The following TUSC3 variants were observed in gnomAD, a reference collection of about 807,000 sequenced individuals.
TUSC3 encodes dolichyl-diphosphooligosaccharide--protein glycosyltransferase subunit TUSC3.
In TUSC3, 45 loss-of-function variants were observed where a neutral mutation model predicts 44.8. The ratio of observed to expected loss-of-function variants is 1.00; its 90% CI spans 0.79 to 1.29. TUSC3 has a LOEUF of 1.29. TUSC3 is among the 50% of genes most tolerant of loss of function. The pLI, the probability that TUSC3 is intolerant of heterozygous loss-of-function variation, is 0.00. For synonymous variants in TUSC3, 212 were observed against 152.9 expected, an observed-to-expected ratio of 1.39 and a Z score of -2.85; for missense variants, 519 against 437.9, an observed-to-expected ratio of 1.19 and a Z score of -1.65.
the TUSC3 span, among the ~76,000 whole-genome samples, chr8:15,840,395 AAAT>A: frequency 6.6e-6 from 1 of 151,732 alleles, no homozygotes; most frequent in Non-Finnish European, 1.5e-5. Flanking sequence ...ATAAATCAAT[AAAT>A]AACCACACAC....
intron 6 of TUSC3, among the ~76,000 whole-genome samples, chr8:15,725,780 C>T (rs773466353): frequency 1.3e-5 from 2 of 152,110 alleles, no homozygotes; most frequent in Non-Finnish European, 2.9e-5. Context: ...ACTCATGAAA[C>T]CCAGGACAGA....
intron 3 of TUSC3, among the ~76,000 whole-genome samples, chr8:15,656,184 C>T (rs1356909559): frequency 6.6e-6 from 1 of 152,074 alleles, no homozygotes; most frequent in Admixed American, 6.5e-5. Flanking sequence ...TCATGTCTTT[C>T]TCACACTCAG....
intron 6 of TUSC3, among the ~76,000 whole-genome samples, chr8:15,695,058 A>G (rs1467780044): frequency 6.6e-6 from 1 of 152,168 alleles, no homozygotes; most frequent in African/African-American, 2.4e-5. Flanking sequence ...ATTCACACTG[A>G]CAGCAGTGGC....
chr8:15,541,777 C>A (rs1268344249), intron 1 of TUSC3, among the ~76,000 whole-genome samples: 2 of 151,278 alleles, frequency 1.3e-5, no homozygotes, highest in Admixed American at 1.3e-4. Flanking sequence ...ATTTGTATAC[C>A]ATATTCCAAG....
At position 15,449,631 on chromosome 8, in the gene TUSC3, G is replaced by A. The variant is rs536205554; in HGVS notation, n.91+32326G>A. 5.6e-4 allele frequency among the ~76,000 whole-genome samples: 85 copies of A among 152,198 alleles called. 1 individual carries two copies. Among genetic ancestry groups the A allele is most frequent in the African/African-American group, 1.8e-3 (76 of 41,524 alleles). On this transcript the variant is annotated intron_variant and non_coding_transcript_variant, in intron 1 of 5. Transcript: ENST00000503191. The stretch of plus-strand genomic sequence containing the variant: ...ATTGAGGGAGGGAGTATAATGAGGC[G>A]TCTTACCTCCCATCCCACAGGAATT...
intron 2 of TUSC3, among the ~76,000 whole-genome samples, chr8:15,484,465 T>C (rs1175756334): frequency 2.0e-5 from 3 of 152,380 alleles, no homozygotes; most frequent in South Asian, 2.1e-4. Context: ...GCCAGCACAG[T>C]GTAGGACATA....
intron 1 of TUSC3, among the ~76,000 whole-genome samples, chr8:15,561,467 G>A (rs555685554): frequency 7.0e-6 from 1 of 143,460 alleles, no homozygotes; most frequent in African/African-American, 2.5e-5. Flanking sequence ...GTTTGTCTGT[G>A]CCCTGCCCCC....
At chr8:15,421,041 C>T (rs1799732316) in intron 1 of TUSC3, among the ~76,000 whole-genome samples, 1 of 152,178 alleles carries the variant, frequency 6.6e-6, no homozygotes, top group Non-Finnish European at 1.5e-5. Flanking sequence ...ACTTATATAT[C>T]CAACTGCCTA....
intron 1 of TUSC3, among the ~76,000 whole-genome samples, chr8:15,448,677 C>A (rs770103804): frequency 1.3e-5 from 2 of 151,898 alleles, no homozygotes; most frequent in African/African-American, 2.4e-5. Flanking sequence ...GTGTCTAACA[C>A]GTAAATTATT....
At chr8:15,676,173 C>G (rs1196356446) in intron 6 of TUSC3, among the ~76,000 whole-genome samples, 2 of 152,084 alleles carry the variant, frequency 1.3e-5, no homozygotes, top group Admixed American at 6.6e-5. Flanking sequence ...TTGCATTTCT[C>G]TGATGATTAG....
intron 6 of TUSC3, among the ~76,000 whole-genome samples, chr8:15,729,473 A>C (rs1263730618): frequency 6.6e-6 from 1 of 152,156 alleles, no homozygotes; most frequent in African/African-American, 2.4e-5. Context: ...TGTGATTGTC[A>C]ATCAACAGTG....
intron 6 of TUSC3, among the ~76,000 whole-genome samples, chr8:15,678,080 T>C (rs780940944): frequency 6.6e-6 from 1 of 152,214 alleles, no homozygotes; most frequent in African/African-American, 2.4e-5. Flanking sequence ...TGTGAGCCAC[T>C]GAACCTTATT....
chr8:15,665,827 C>T (rs1007430379), intron 5 of TUSC3, among the ~76,000 whole-genome samples: 2 of 151,090 alleles, frequency 1.3e-5, no homozygotes, highest in Admixed American at 1.3e-4. Flanking sequence ...TGGTCTCATG[C>T]TTTCTAAGGG....
downstream of TUSC3, among the ~76,000 whole-genome samples, chr8:15,770,426 A>T (rs1022815927): frequency 3.3e-5 from 5 of 152,092 alleles, no homozygotes; most frequent in African/African-American, 1.2e-4. Context: ...GGGGCTGGGG[A>T]GAGATAGCAT....
intron 6 of TUSC3, among the ~76,000 whole-genome samples, chr8:15,696,108 G>C (rs1004741865): frequency 2.6e-5 from 4 of 152,192 alleles, no homozygotes. Context: ...AATGTCTCCA[G>C]GGAATGTTAA....
chr8:15,593,233 G>A (rs965398464), intron 1 of TUSC3, among the ~76,000 whole-genome samples: 1 of 151,702 alleles, frequency 6.6e-6, no homozygotes, highest in Non-Finnish European at 1.5e-5. Context: ...TTATTGGCTC[G>A]TGCCACCACA....
the TUSC3 span, among the ~76,000 whole-genome samples, chr8:15,779,611 C>T: frequency 1.3e-5 from 2 of 152,000 alleles, no homozygotes; most frequent in South Asian, 2.1e-4. Flanking sequence ...CAATTTACAT[C>T]GATAATTACT....
At position 15,540,378 on chromosome 8, in the gene TUSC3, A is replaced by G. The variant is rs967573621; in HGVS notation, c.-53A>G. The G allele has an allele frequency of 2.0e-6, 3 of 1,478,346 alleles. No homozygotes were observed. The highest frequency in any genetic ancestry group is 1.3e-5 in the South Asian group (1 of 76,596). The allele number at this position is 1,478,346 out of a possible 1,614,324, so 91.6% of individuals were successfully genotyped here. A position where few individuals can be genotyped will look rare whatever the true frequency, so the allele number is the denominator to read the frequency against. On this transcript the variant is annotated 5_prime_UTR_variant, in exon 1 of 11. Coordinates refer to ENST00000503731, the MANE Select transcript of TUSC3 (RefSeq NM_006765.4). Reference sequence around the variant, plus strand: ...TGGCCGGGCAGGCGTGGTGCGCGGTAGGAGCTGGGCGCGCACGGCTACCGC... The same window carrying G: ...TGGCCGGGCAGGCGTGGTGCGCGGTGGGAGCTGGGCGCGCACGGCTACCGC...
At chr8:15,512,713 C>A (rs966560959) in intron 2 of TUSC3, among the ~76,000 whole-genome samples, 7 of 151,598 alleles carry the variant, frequency 4.6e-5, no homozygotes, top group Non-Finnish European at 7.4e-5. Flanking sequence ...GGAGAGGTTG[C>A]AGTGAGCTGA....
Sources: allele counts gnomAD v4.1 joint callset (sites outside exome capture counted in the v4.1 genomes callset), GRCh38; gene constraint gnomAD v4.1.1; transcripts MANE v1.5; gene names NCBI Gene and HGNC (gene_info 2026-07-23, HGNC 2026-07-21).